Variants in CAMK1D observed in about 807,000 individuals in gnomAD.
The protein encoded by CAMK1D is calcium/calmodulin-dependent protein kinase type 1D.
A neutral mutation model predicts 47.7 loss-of-function variants in CAMK1D; 9 were observed. The observed-to-expected ratio is 0.19, with a 90% CI of 0.11 to 0.33. The LOEUF (loss-of-function observed/expected upper bound fraction) is 0.33. Among genes scored for constraint, CAMK1D ranks in the 10% least tolerant of loss-of-function variants. The pLI is 1.00. For missense variants in CAMK1D, 291 were observed against 488.7 expected (o/e 0.60, Z 3.81); for synonymous variants, 184 against 184.9 (o/e 0.99, Z 0.04).
chr10:12,517,726 A>G (rs567254996), intron 1 of CAMK1D, among the ~76,000 whole-genome samples: 1 of 127,250 alleles, frequency 7.9e-6, no homozygotes, highest in East Asian at 2.2e-4. Flanking sequence ...CATATCACGT[A>G]GTTGTGGTGT....
At chr10:12,755,623 G>A (rs1220631173) in intron 3 of CAMK1D, among the ~76,000 whole-genome samples, 1 of 152,100 alleles carries the variant, frequency 6.6e-6, no homozygotes, top group African/African-American at 2.4e-5. Flanking sequence ...CACCAACAGT[G>A]TAAAAGTGTT....
chr10:12,539,777 C>T (rs1385096212), intron 1 of CAMK1D, among the ~76,000 whole-genome samples: 5 of 152,224 alleles, frequency 3.3e-5, no homozygotes, highest in South Asian at 4.1e-4. Flanking sequence ...GTTTCATCCA[C>T]GTCAGTACCT....
In CAMK1D at chr10:12,744,867, C is replaced by G. The variant is rs551709785; in HGVS notation, c.300-16081C>G. Among the ~76,000 whole-genome samples, 12 of 152,260 alleles carry G rather than the reference C, an allele frequency of 7.9e-5. No individual in the cohort carries two copies. The East Asian group carries it at 1.9e-3, about 24-fold the overall frequency. ...AGTGAGCTGTGGTCATGCCACTGTA[C>G]TCCAGCCTGGGCAACACAGCAAGAC... On this transcript the variant is annotated intron_variant, in intron 3 of 10. Coordinates refer to ENST00000619168, the MANE Select transcript of CAMK1D (RefSeq NM_153498.4).
chr10:12,373,635 AAAAC>A (rs139472444), intron 1 of CAMK1D, among the ~76,000 whole-genome samples: 1,612 of 152,148 alleles, frequency 0.011, 30 homozygotes, highest in African/African-American at 0.036. Flanking sequence ...CCATCTCAAA[AAAAC>A]AAACAAACAA....
rs188824334 is a variant in CAMK1D, at chr10:12,385,997, T to C, written c.92+36087T>C. On this transcript the variant is annotated intron_variant, in intron 1 of 10. Coordinates refer to ENST00000619168, the MANE Select transcript of CAMK1D (RefSeq NM_153498.4). ...CTGACCTCAGGTGATCCACCTGCCT[T>C]GGCCTCCCAAAATGCTGGGATTACA... Among the ~76,000 whole-genome samples the C allele has an allele frequency of 6.6e-5, 10 of 152,280 alleles. 1 individual carries two copies. In the East Asian group the frequency reaches 1.9e-3, roughly 29 times the overall value.
At chr10:12,737,833 A>G (rs1335959722) in intron 3 of CAMK1D, among the ~76,000 whole-genome samples, 1 of 152,258 alleles carries the variant, frequency 6.6e-6, no homozygotes, top group Admixed American at 6.5e-5. Context: ...CACCTAAAAT[A>G]AACATGAGTT....
rs1327246838 is a variant in CAMK1D, at chr10:12,360,389, TTG to T, written c.92+10482_92+10483del. Among the ~76,000 whole-genome samples the T allele has an allele frequency of 2.0e-5, 3 of 152,188 alleles. No individual in the cohort carries two copies. In the East Asian group the frequency reaches 5.8e-4, roughly 29 times the overall value. ...CTAGACCTTTGTAGCTTTGAAAAAT[TTG>T]TGGATGGAGAGAAGAGAAGCTGTAC... On this transcript the variant is annotated intron_variant, in intron 1 of 10. Transcript: ENST00000619168.
intron 1 of CAMK1D, among the ~76,000 whole-genome samples, chr10:12,382,599 C>T (rs1259969577): frequency 2.6e-5 from 4 of 152,008 alleles, no homozygotes; most frequent in African/African-American, 4.8e-5. Context: ...CTGAGGTGGG[C>T]GGATCACCTG....
intron 6 of CAMK1D, among the ~76,000 whole-genome samples, chr10:12,801,354 T>TATCTATCTATCTATC (rs57429397): frequency 1.7e-3 from 111 of 66,528 alleles, no homozygotes; most frequent in East Asian, 8.0e-3. Context: ...TCTATCTATC[T>TATCTATCTATCTATC]TATCTATCTA....
rs941585977 is a variant in CAMK1D, at chr10:12,590,321, G to A, written c.224+36965G>A. The stretch of plus-strand genomic sequence containing the variant: ...CAGCCTCGACCTCCTGGGCTCAAGC[G>A]ATCCTCCTACCTCAGCCTTCCGAGT... On this transcript the variant is annotated intron_variant, in intron 2 of 10. Coordinates refer to ENST00000619168, the MANE Select transcript of CAMK1D (RefSeq NM_153498.4). 1.5e-4 allele frequency among the ~76,000 whole-genome samples: 23 copies of A among 152,096 alleles called. 1 individual carries two copies. Among genetic ancestry groups the A allele is most frequent in the African/African-American group, 2.9e-4 (12 of 41,406 alleles).
At chr10:12,592,576 A>G (rs1838029574) in intron 2 of CAMK1D, among the ~76,000 whole-genome samples, 1 of 152,188 alleles carries the variant, frequency 6.6e-6, no homozygotes, top group Admixed American at 6.5e-5. Flanking sequence ...GATGTGTCCA[A>G]CTGACGTTTT....
chr10:12,566,456 A>G (rs549705526), intron 2 of CAMK1D, among the ~76,000 whole-genome samples: 6 of 152,288 alleles, frequency 3.9e-5, no homozygotes, highest in East Asian at 3.9e-4. Flanking sequence ...CTTGCTGACT[A>G]AACTCCTGTG....
chr10:12,649,068 A>G, intron 2 of CAMK1D, among the ~76,000 whole-genome samples: 1 of 152,022 alleles, frequency 6.6e-6, no homozygotes. Context: ...GGGTTTTACT[A>G]TGTTGCCCAG....
intron 1 of CAMK1D, among the ~76,000 whole-genome samples, chr10:12,454,306 G>A (rs1398060843): frequency 6.6e-6 from 1 of 152,004 alleles, no homozygotes; most frequent in Non-Finnish European, 1.5e-5. Flanking sequence ...GGGACTACAG[G>A]CGCGTGCCAC....
intron 1 of CAMK1D, among the ~76,000 whole-genome samples, chr10:12,409,252 G>A (rs1342147160): frequency 6.6e-6 from 1 of 152,116 alleles, no homozygotes; most frequent in Non-Finnish European, 1.5e-5. Flanking sequence ...CAGGCACCGA[G>A]ACCCCTCATG....
chr10:12,719,422 G>A (rs1355474379), intron 3 of CAMK1D, among the ~76,000 whole-genome samples: 3 of 133,054 alleles, frequency 2.3e-5, no homozygotes, highest in Non-Finnish European at 5.0e-5. Flanking sequence ...AAAAAAAAAA[G>A]AAAAGAAAAA....
intron 2 of CAMK1D, among the ~76,000 whole-genome samples, chr10:12,561,487 C>T (rs912308873): frequency 6.6e-6 from 1 of 151,872 alleles, no homozygotes; most frequent in Non-Finnish European, 1.5e-5. Context: ...TTCAGAGTCC[C>T]GCCTTATTTA....
chr10:12,829,238 A>C lies in CAMK1D; in HGVS notation c.*351A>C, dbSNP rs565231978. On this transcript the variant is annotated 3_prime_UTR_variant, in exon 11 of 11. Transcript: ENST00000619168. ...ATGGTGTGTTTTTTCATTAATGACA[A>C]AAAAAAAAAGGTTTCAACTGGATTA... The C allele has an allele frequency of 3.7e-5, 6 of 160,946 alleles. No homozygotes were observed. In the East Asian group the frequency reaches 4.6e-4, roughly 12 times the overall value. The allele number at this position is 160,946 out of a possible 1,614,324, so 10.0% of individuals were successfully genotyped here. A position where few individuals can be genotyped will look rare whatever the true frequency, so the allele number is the denominator to read the frequency against.
chr10:12,349,692 C>A lies in CAMK1D; in HGVS notation c.-127C>A. 1 of 175,090 alleles carries A rather than the reference C, an allele frequency of 5.7e-6. No homozygotes were observed. The highest frequency in any genetic ancestry group is 1.2e-5 in the Non-Finnish European group (1 of 84,020). 10.8% of individuals were successfully genotyped at this position (175,090 alleles called of 1,614,324 possible). On this transcript the variant is annotated 5_prime_UTR_variant, in exon 1 of 11. Coordinates refer to ENST00000619168, the MANE Select transcript of CAMK1D (RefSeq NM_153498.4). ...GCGGCGAGAGCGAAAGAGGAAACTG[C>A]AGAGGAGGAAGCTGCGCCGCAGCCC...
Sources: gnomAD v4.1 joint callset for allele counts (sites outside exome capture counted in the v4.1 genomes callset) on GRCh38, gnomAD v4.1.1 for gene constraint, MANE v1.5 for transcripts, NCBI Gene and HGNC (gene_info 2026-07-23, HGNC 2026-07-21) for gene names.